The following GNAS-AS1 variants were observed in gnomAD, a reference collection of about 807,000 sequenced individuals.
GNAS-AS1 encodes GNAS antisense RNA 1 (non-protein coding).
At chr20:58,834,305 C>G (rs1203937216) in intron 4 of GNAS-AS1, 1 of 152,530 alleles carries the variant, frequency 6.6e-6, no homozygotes, top group Non-Finnish European at 1.5e-5. Context: ...AGTGTTTTCA[C>G]CCACAGCTCA....
intron 4 of GNAS-AS1, among the ~76,000 whole-genome samples, chr20:58,830,839 C>A (rs2085564620): frequency 6.6e-6 from 1 of 151,828 alleles, no homozygotes; most frequent in Non-Finnish European, 1.5e-5. Context: ...CTTCTGGTTT[C>A]TCACCTCCAA....
intron 2 of GNAS-AS1, among the ~76,000 whole-genome samples, chr20:58,846,369 T>C (rs762929596): frequency 1.3e-5 from 2 of 152,168 alleles, no homozygotes; most frequent in Non-Finnish European, 2.9e-5. Flanking sequence ...AAGCCAAATA[T>C]GGCATTGGAG....
chr20:58,844,808 C>A (rs2085881212), intron 2 of GNAS-AS1, among the ~76,000 whole-genome samples: 5 of 151,100 alleles, frequency 3.3e-5, no homozygotes, highest in African/African-American at 7.3e-5. Context: ...AAAAAAAAAA[C>A]AAAACAAAAC....
At position 58,840,698 on chromosome 20, in the gene GNAS-AS1, G is replaced by A. The variant is rs371055001; in HGVS notation, n.819+1239C>T. The A allele has an allele frequency of 3.2e-5, 51 of 1,604,044 alleles. No homozygotes were observed. In the East Asian group the frequency reaches 6.2e-4, roughly 20 times the overall value. ...GGAAGGGGAGGAGCTCAAGCCCGAGGACAAAGATCCAAGGGACCCCGAAGA... is the reference window on the plus strand; with the variant it reads ...GGAAGGGGAGGAGCTCAAGCCCGAGAACAAAGATCCAAGGGACCCCGAAGA... On this transcript the variant is annotated intron_variant and non_coding_transcript_variant, in intron 4 of 4. Transcript: ENST00000424094. This position sits in a 1 kb window ranked among gnomAD's most constrained non-coding sequence, Gnocchi z 6.0.
chr20:58,842,745 TGTCTC>T (rs1039991764), intron 2 of GNAS-AS1, among the ~76,000 whole-genome samples: 2 of 152,220 alleles, frequency 1.3e-5, no homozygotes, highest in Non-Finnish European at 2.9e-5. Context: ...CCTCTGGTAA[TGTCTC>T]AGCCTGAGTT....
chr20:58,821,467 C>T (rs78724346), intron 4 of GNAS-AS1, among the ~76,000 whole-genome samples: 3,522 of 152,348 alleles, frequency 0.023, 68 homozygotes, highest in Middle Eastern at 0.075. Context: ...CTTGGGCAAG[C>T]TATCTGACCT....
In GNAS-AS1 at chr20:58,840,432, A is replaced by ACGAGACCGAGAG. The variant is rs1223739124; in HGVS notation, n.819+1493_819+1504dup. The ACGAGACCGAGAG allele has an allele frequency of 3.7e-6, 6 of 1,613,356 alleles. No individual in the cohort carries two copies. Among genetic ancestry groups the ACGAGACCGAGAG allele is most frequent in the Non-Finnish European group, 5.1e-6 (6 of 1,179,844 alleles). On this transcript the variant is annotated intron_variant and non_coding_transcript_variant, in intron 4 of 4. Transcript: ENST00000424094. This position sits in a 1 kb window ranked among gnomAD's most constrained non-coding sequence, Gnocchi z 6.0. ...CTAGAGTACGAGGAAGAGTTCGACT[A>ACGAGACCGAGAG]CGAGACCGAGAGCGAGACCGAGTCC...
rs572074925 is a variant in GNAS-AS1, at chr20:58,832,981, G to A, written n.819+8956C>T. Among the ~76,000 whole-genome samples the A allele has an allele frequency of 3.9e-5, 6 of 152,250 alleles. 1 individual carries two copies. In the South Asian group the frequency reaches 1.2e-3, roughly 32 times the overall value. On this transcript the variant is annotated intron_variant and non_coding_transcript_variant, in intron 4 of 4. Transcript: ENST00000424094. ...GTGTGAGTGTGTGACACAGGCTGGC[G>A]GCTACAACTCCTGTCCCAGAGGCTC... is the stretch of plus-strand genomic sequence containing the variant.
At chr20:58,834,995 G>C (rs1600648580) in intron 4 of GNAS-AS1, among the ~76,000 whole-genome samples, 1 of 152,150 alleles carries the variant, frequency 6.6e-6, no homozygotes, top group East Asian at 1.9e-4. Context: ...ACTGGTGAGA[G>C]CCAATTGATA....
chr20:58,819,430 C>G (rs1472600799), intron 4 of GNAS-AS1, among the ~76,000 whole-genome samples: 2 of 152,248 alleles, frequency 1.3e-5, no homozygotes, highest in African/African-American at 4.8e-5. Context: ...AACTTACTTT[C>G]ACGGGCAATC....
At chr20:58,826,863 C>CTTTGTTTTTTTTTTTT (rs2085524123) in intron 4 of GNAS-AS1, 1 of 85,756 alleles carries the variant, frequency 1.2e-5, no homozygotes, top group African/African-American at 4.9e-5. Context: ...CCATGCCTGG[C>CTTTGTTTTTTTTTTTT]TTTTTTTTTT....
chr20:58,835,569 C>G (rs1233262428), intron 4 of GNAS-AS1, among the ~76,000 whole-genome samples: 1 of 152,148 alleles, frequency 6.6e-6, no homozygotes, highest in East Asian at 1.9e-4. Flanking sequence ...TGAACTGTAC[C>G]TCTGATTCTA....
chr20:58,848,660 A>C (rs1345872142), intron 2 of GNAS-AS1, among the ~76,000 whole-genome samples: 1 of 152,162 alleles, frequency 6.6e-6, no homozygotes, highest in Non-Finnish European at 1.5e-5. Flanking sequence ...CAAAATTATC[A>C]GCCTTCAGGA....
At chr20:58,819,443 T>C (rs1378911252) in intron 4 of GNAS-AS1, among the ~76,000 whole-genome samples, 1 of 152,248 alleles carries the variant, frequency 6.6e-6, no homozygotes, top group Admixed American at 6.5e-5. Context: ...GGGCAATCTT[T>C]AGGCTGTTGT....
At chr20:58,819,180 T>C (rs900146945) in exon 5 of GNAS-AS1, 1 of 398,668 alleles carries the variant, frequency 2.5e-6, no homozygotes, top group Non-Finnish European at 4.4e-6. Context: ...ACCAGGAACG[T>C]GGCACTAATG....
At chr20:58,828,398 T>C (rs1440742959) in intron 4 of GNAS-AS1, among the ~76,000 whole-genome samples, 3 of 152,332 alleles carry the variant, frequency 2.0e-5, no homozygotes, top group South Asian at 4.1e-4. Context: ...TCTGAGCCCT[T>C]GGCTCATGTT....
intron 4 of GNAS-AS1, among the ~76,000 whole-genome samples, chr20:58,822,111 C>T (rs1295038821): frequency 6.6e-6 from 1 of 152,242 alleles, no homozygotes; most frequent in Non-Finnish European, 1.5e-5. Context: ...GGAAGGCAGG[C>T]AGCCATGATG....
At chr20:58,837,208 T>A (rs1235475381) in intron 4 of GNAS-AS1, among the ~76,000 whole-genome samples, 2 of 152,238 alleles carry the variant, frequency 1.3e-5, no homozygotes, top group African/African-American at 2.4e-5. Context: ...TTGAATAATA[T>A]ATTTCTGTTC....
At chr20:58,822,509 G>T (rs2085493314) in intron 4 of GNAS-AS1, among the ~76,000 whole-genome samples, 1 of 152,170 alleles carries the variant, frequency 6.6e-6, no homozygotes, top group Admixed American at 6.5e-5. Context: ...TGTAAAATCT[G>T]CGGACACCTA....
Sources: gnomAD v4.1 joint callset for allele counts (sites outside exome capture counted in the v4.1 genomes callset) on GRCh38, gnomAD v4.1.1 for gene constraint, Gnocchi (gnomAD v3.1) non-coding constraint, MANE v1.5 for transcripts, NCBI Gene and HGNC (gene_info 2026-07-23, HGNC 2026-07-21) for gene names.